The following SLC4A8 variants were observed in gnomAD, a reference collection of about 807,000 sequenced individuals.
SLC4A8 encodes solute carrier family 4 member 8, also known as electroneutral sodium bicarbonate exchanger 1.
In SLC4A8, 40 loss-of-function variants were observed where a neutral mutation model predicts 125.0. That is an observed-to-expected ratio of 0.32 (90% CI 0.25 to 0.42). SLC4A8 has a LOEUF of 0.42. Ranked by LOEUF, SLC4A8 falls within the 10% of genes least tolerant of loss-of-function variation. The pLI, the probability that SLC4A8 is intolerant of heterozygous loss-of-function variation, is 1.00. For missense variants in SLC4A8, 863 were observed against 1,355.1 expected, an observed-to-expected ratio of 0.64 and a Z score of 5.70; for synonymous variants, 456 against 476.0, an observed-to-expected ratio of 0.96 and a Z score of 0.55.
rs138970053 is a variant in SLC4A8 at position 51,492,775 on chromosome 12, A to G, written c.2701-929A>G. ...GCCATGGTGGTTTGCTGCACCTGTC[A>G]ACCGATCATCTAGGTTTTAAGCCCC... On this transcript the variant is annotated intron_variant, in intron 19 of 24. Coordinates refer to ENST00000453097, the MANE Select transcript of SLC4A8 (RefSeq NM_001039960.3). Among the ~76,000 whole-genome samples, 1,501 of 152,154 alleles carry G rather than the reference A, an allele frequency of 9.9e-3. 45 individuals are homozygous for G. The highest frequency in any genetic ancestry group is 0.06 in the Admixed American group (923 of 15,276).
At chr12:51,484,476 G>C (rs955095136) in intron 16 of SLC4A8, among the ~76,000 whole-genome samples, 1 of 152,236 alleles carries the variant, frequency 6.6e-6, no homozygotes, top group Admixed American at 6.5e-5. Context: ...TGGGCCCCAG[G>C]ATGGTCAAGT....
intron 1 of SLC4A8, among the ~76,000 whole-genome samples, chr12:51,397,195 T>C (rs1398740874): frequency 1.3e-5 from 2 of 152,216 alleles, no homozygotes; most frequent in South Asian, 4.1e-4. Context: ...CCCAAAGTGC[T>C]GGGATTACAG....
intron 4 of SLC4A8, among the ~76,000 whole-genome samples, chr12:51,453,241 A>C (rs1487752918): frequency 6.6e-6 from 1 of 152,228 alleles, no homozygotes; most frequent in Non-Finnish European, 1.5e-5. Flanking sequence ...GAAAAAAATT[A>C]TCTGTAATTC....
In SLC4A8 at chr12:51,510,085, T is replaced by C. The variant is rs1938310861; in HGVS notation, c.*2647T>C. The C allele has an allele frequency of 6.6e-6, 1 of 152,188 alleles. No individual in the cohort carries two copies. Among genetic ancestry groups the C allele is most frequent in the East Asian group, 1.9e-4 (1 of 5,180 alleles). The allele number at this position is 152,188 out of a possible 1,614,324, so 9.4% of individuals were successfully genotyped here. ...CGGTTCCAGCAGCCTGCACAGCTGGTACGAGGACAGCTGGAGGAGGGTCTG... is the reference window on the plus strand; with the variant it reads ...CGGTTCCAGCAGCCTGCACAGCTGGCACGAGGACAGCTGGAGGAGGGTCTG... On this transcript the variant is annotated 3_prime_UTR_variant, in exon 25 of 25. Coordinates refer to ENST00000453097, the MANE Select transcript of SLC4A8 (RefSeq NM_001039960.3).
At chr12:51,410,665 G>A (rs909556720) in intron 1 of SLC4A8, among the ~76,000 whole-genome samples, 26 of 152,046 alleles carry the variant, frequency 1.7e-4, no homozygotes, top group African/African-American at 5.3e-4. Flanking sequence ...TCACCATGTT[G>A]GCCAGGCTGG....
intron 1 of SLC4A8, among the ~76,000 whole-genome samples, chr12:51,433,911 C>T (rs1436719650): frequency 2.1e-5 from 3 of 143,220 alleles, no homozygotes; most frequent in East Asian, 2.1e-4. Flanking sequence ...GGTCTTTCTC[C>T]GTTGGCCATG....
intron 1 of SLC4A8, among the ~76,000 whole-genome samples, chr12:51,438,943 A>T (rs1949504611): frequency 6.6e-6 from 1 of 152,202 alleles, no homozygotes; most frequent in Non-Finnish European, 1.5e-5. Flanking sequence ...TTGTGTATTC[A>T]TTCTTTTAAC....
upstream of SLC4A8, chr12:51,424,518 G>A (rs2279952): frequency 0.37 from 57,647 of 154,872 alleles, 11,059 homozygotes; most frequent in East Asian, 0.43. Flanking sequence ...ATGTTTGCCC[G>A]GAATTTAAAC....
chr12:51,488,592 A>G, intron 17 of SLC4A8, 107 bp from the exon 18 acceptor site: 1 of 776,510 alleles, frequency 1.3e-6, no homozygotes, highest in Non-Finnish European at 1.9e-6. Context: ...TTTTTTAAGA[A>G]CCTCACTCAA....
In SLC4A8 at chr12:51,481,305, C is replaced by G. The variant is rs376553021; in HGVS notation, c.2173-4482C>G. Among the ~76,000 whole-genome samples, 12 of 152,102 alleles carry G rather than the reference C, an allele frequency of 7.9e-5. No individual in the cohort carries two copies. In the East Asian group the frequency reaches 1.9e-3, roughly 24 times the overall value. ...ATTTTTTTTCCACTCTTGAAACTCA[C>G]AACTTTCCAGTCCATGAGCAACTTT... On this transcript the variant is annotated intron_variant, in intron 16 of 24. Coordinates refer to ENST00000453097, the MANE Select transcript of SLC4A8 (RefSeq NM_001039960.3).
intron 1 of SLC4A8, among the ~76,000 whole-genome samples, chr12:51,396,344 T>G (rs1948261209): frequency 6.6e-6 from 1 of 152,148 alleles, no homozygotes; most frequent in African/African-American, 2.4e-5. Context: ...ACCCATAGTT[T>G]GTCAGGGGAG....
intron 16 of SLC4A8, chr12:51,480,447 G>T: frequency 3.6e-6 from 4 of 1,101,208 alleles, no homozygotes; most frequent in Non-Finnish European, 4.4e-6. Flanking sequence ...TGGGTCAACT[G>T]ATTATCAGCT....
chr12:51,404,616 G>C (rs548986672), intron 1 of SLC4A8, among the ~76,000 whole-genome samples: 7 of 152,312 alleles, frequency 4.6e-5, no homozygotes, highest in African/African-American at 1.7e-4. Context: ...TGTATGTTTA[G>C]GGTGGCTAGT....
chr12:51,431,824 C>A (rs892714537), intron 1 of SLC4A8, among the ~76,000 whole-genome samples: 2 of 152,044 alleles, frequency 1.3e-5, no homozygotes, highest in East Asian at 3.9e-4. Flanking sequence ...GGTTCTGGAG[C>A]GCCAAGGATT....
intron 1 of SLC4A8, among the ~76,000 whole-genome samples, chr12:51,428,498 C>T (rs1404196904): frequency 6.6e-6 from 1 of 152,232 alleles, no homozygotes; most frequent in Admixed American, 6.5e-5. Context: ...CATTACACAA[C>T]ATCTCTTCCC....
At chr12:51,447,675 C>A (rs964530079) in intron 2 of SLC4A8, among the ~76,000 whole-genome samples, 3 of 151,890 alleles carry the variant, frequency 2.0e-5, no homozygotes, top group Non-Finnish European at 2.9e-5. Flanking sequence ...ATATTTCCCC[C>A]CCAGAATGTT....
At chr12:51,460,707 A>G (rs995529839) in intron 8 of SLC4A8, among the ~76,000 whole-genome samples, 2 of 152,358 alleles carry the variant, frequency 1.3e-5, no homozygotes, top group East Asian at 3.9e-4. Context: ...TTTGTTCAAA[A>G]GGCTATTCAT....
At chr12:51,490,604 A>G (rs1157644827) in intron 19 of SLC4A8, among the ~76,000 whole-genome samples, 1 of 145,506 alleles carries the variant, frequency 6.9e-6, no homozygotes, top group Non-Finnish European at 1.5e-5. Context: ...GAGCCATGCC[A>G]TGGATGGTGG....
At position 51,471,338 on chromosome 12, in the gene SLC4A8, C is replaced by G; in HGVS notation, c.1710C>G (p.Thr570=). ...LSLRACIGLW[T]AFLCIVLVAT... Reference sequence around the variant, plus strand: ...TGCGAGCTTGTATTGGACTGTGGACCGCTTTCCTGTGTATTGTCCTTGTGG... The same window carrying G: ...TGCGAGCTTGTATTGGACTGTGGACGGCTTTCCTGTGTATTGTCCTTGTGG... The change falls in exon 14 of 25, where the codon ACC becomes ACG. Residue 570 remains threonine, a synonymous_variant. Transcript: ENST00000453097. 6.2e-7 allele frequency: 1 copy of G among 1,613,938 alleles called. No homozygotes were observed. Among genetic ancestry groups the G allele is most frequent in the Non-Finnish European group, 8.5e-7 (1 of 1,179,950 alleles).
Sources: allele counts gnomAD v4.1 joint callset (sites outside exome capture counted in the v4.1 genomes callset), GRCh38; gene constraint gnomAD v4.1.1; transcripts MANE v1.5; gene names NCBI Gene and HGNC (gene_info 2026-07-23, HGNC 2026-07-21).